ALG1: variants seen among roughly 807,000 people sequenced by gnomAD.
ALG1 encodes the protein ALG1 chitobiosyldiphosphodolichol beta-mannosyltransferase, also known as chitobiosyldiphosphodolichol beta-mannosyltransferase.
ALG1 carries 58 observed loss-of-function variants against 55.1 expected under a neutral mutation model. That is an observed-to-expected ratio of 1.05 (90% CI 0.85 to 1.31). The LOEUF (loss-of-function observed/expected upper bound fraction) is 1.31, where lower values mean the gene tolerates loss of function less well. ALG1 is among the 50% of genes most tolerant of loss of function. ALG1 has a pLI of 0.00. For missense variants in ALG1, 761 were observed against 598.6 expected, an observed-to-expected ratio of 1.27 and a Z score of -2.83; for synonymous variants, 309 against 247.0, an observed-to-expected ratio of 1.25 and a Z score of -2.35.
In ALG1 at chr16:5,080,954, C is replaced by T. The variant is rs1957006198; in HGVS notation, c.970C>T (p.Pro324Ser). The T allele has an allele frequency of 1.9e-6, 3 of 1,596,236 alleles. No individual in the cohort carries two copies. Among genetic ancestry groups the T allele is most frequent in the Admixed American group, 1.7e-5 (1 of 59,984 alleles). Residue 324 changes from proline (P) to serine (S), a missense_variant, in exon 10 of 13, where the codon CCT (proline) becomes TCT (serine). By Grantham distance (74) the Pro-to-Ser change is moderately conservative. Transcript: ENST00000262374. Reference sequence around the variant, plus strand: ...TGCTCTTCTCTGTGAAGGCAAAGGGCCTCTGAGGGAGTATTATAGCCGCCT... The same window carrying T: ...TGCTCTTCTCTGTGAAGGCAAAGGGTCTCTGAGGGAGTATTATAGCCGCCT... Reference protein sequence around the residue: ...SLVCVITGKGPLREYYSRLIH... With the variant: ...SLVCVITGKGSLREYYSRLIH...
intron 6 of ALG1, chr16:5,078,470 G>T (rs1421755899): frequency 3.1e-6 from 2 of 648,396 alleles, no homozygotes; most frequent in African/African-American, 3.6e-5. Context: ...GGTGGTGTGG[G>T]AGGGCGTCCC....
intron 6 of ALG1, chr16:5,078,431 C>T (rs1956954703): frequency 4.5e-5 from 27 of 605,364 alleles, no homozygotes; most frequent in South Asian, 4.2e-4. Context: ...CAGGTCTACG[C>T]ACCCTGAGGT....
chr16:5,072,269 G>A (rs1956829774), intron 1 of ALG1: 4 of 1,461,102 alleles, frequency 2.7e-6, no homozygotes, highest in African/African-American at 1.4e-5. Context: ...AGTGTGTTAA[G>A]TGAATCCATT....
At chr16:5,075,064 T>G (rs1436438855) in intron 3 of ALG1, among the ~76,000 whole-genome samples, 1 of 152,134 alleles carries the variant, frequency 6.6e-6, no homozygotes, top group Non-Finnish European at 1.5e-5. Context: ...CCACCACACC[T>G]GGCTAATTTT....
chr16:5,078,327 C>T (rs1956952600), intron 6 of ALG1: 3 of 612,370 alleles, frequency 4.9e-6, no homozygotes, highest in African/African-American at 1.8e-5. Context: ...CGCTGTCTTA[C>T]TCTCCTGCCA....
rs1956889395 is a variant in ALG1 at position 5,075,283 on chromosome 16, G to A, written c.391-105G>A. 5 of 1,237,542 alleles carry A rather than the reference G, an allele frequency of 4.0e-6. No individual in the cohort carries two copies. The East Asian group carries it at 7.0e-5, about 17-fold the overall frequency. 76.7% of individuals were successfully genotyped at this position (1,237,542 alleles called of 1,614,324 possible). On this transcript the variant is annotated intron_variant, in intron 3 of 12. Transcript: ENST00000262374. ...TCTTCTGCTTATTATCAAGAGCTCT[G>A]TAAAGATAACAGACTCATCACCATG...
rs200989333 is a variant in ALG1, at chr16:5,079,703, T to C, written c.902-45T>C. 192 of 1,603,392 alleles carry C rather than the reference T, an allele frequency of 1.2e-4. No individual in the cohort carries two copies. The African/African-American group carries it at 2.4e-3, about 20-fold the overall frequency. ...GAGTCTGTCAGAAAAAAAAAAAAAT[T>C]CTATCAGAAATTCCATGTAGAATTG... is the stretch of plus-strand genomic sequence containing the variant. On this transcript the variant is annotated intron_variant, in intron 8 of 12. Coordinates refer to ENST00000262374, the MANE Select transcript of ALG1 (RefSeq NM_019109.5).
intron 11 of ALG1, among the ~76,000 whole-genome samples, chr16:5,083,139 A>C (rs954204927): frequency 3.3e-5 from 5 of 152,146 alleles, no homozygotes; most frequent in African/African-American, 1.2e-4. Flanking sequence ...GCCTCACTGC[A>C]CCCAGCGTAG....
intron 4 of ALG1, 93 bp downstream of exon 4, chr16:5,075,629 C>A: frequency 2.7e-6 from 4 of 1,506,978 alleles, no homozygotes; most frequent in Non-Finnish European, 3.6e-6. Flanking sequence ...GAAGTCGGTT[C>A]CTTGTGGGCT....
Position 5,072,783 on chromosome 16 carries a change from C to G in ALG1, c.209-168C>G, listed in dbSNP as rs8045473. On this transcript the variant is annotated intron_variant, in intron 1 of 12. Transcript: ENST00000262374. ...ATCTCTGTGTGCCTCCTAGAGCAAT[C>G]TGAACAAGAATTGGCCGCATTCTCT... is the stretch of plus-strand genomic sequence containing the variant. Among the ~76,000 whole-genome samples the G allele has an allele frequency of 0.37, 56,747 of 152,078 alleles. 11,005 individuals carry two copies. Among genetic ancestry groups the G allele is most frequent in the South Asian group, 0.53 (2,566 of 4,820 alleles).
chr16:5,077,618 G>T (rs944586177), intron 5 of ALG1, 84 bp downstream of exon 5: 2 of 1,388,006 alleles, frequency 1.4e-6, no homozygotes, highest in Admixed American at 3.4e-5. Context: ...GCCTGCTGCC[G>T]TCCTGCTGAG....
intron 9 of ALG1, among the ~76,000 whole-genome samples, chr16:5,080,038 G>C (rs1383762759): frequency 6.6e-6 from 1 of 150,952 alleles, no homozygotes; most frequent in Non-Finnish European, 1.5e-5. Context: ...TAGTTTCCAA[G>C]CATCTTTTTT....
chr16:5,079,019 G>C (rs758989900), intron 7 of ALG1, 45 bp from the exon 8 acceptor site: 2 of 1,604,478 alleles, frequency 1.2e-6, no homozygotes, highest in East Asian at 2.2e-5. Flanking sequence ...GCTGGAAGAG[G>C]GGTGTCTAGA....
intron 3 of ALG1, among the ~76,000 whole-genome samples, chr16:5,074,342 G>A (rs1303710583): frequency 6.6e-6 from 1 of 151,724 alleles, no homozygotes; most frequent in Non-Finnish European, 1.5e-5. Context: ...TAGAGATGGG[G>A]TTTCGCTATG....
chr16:5,082,544 C>T lies in ALG1; in HGVS notation c.1073-15C>T, dbSNP rs550558214. 1.2e-6 allele frequency: 2 copies of T among 1,611,532 alleles called. No individual in the cohort carries two copies. The highest frequency in any genetic ancestry group is 1.1e-5 in the South Asian group (1 of 90,976). ...GCAGAGACCAGTGCTCTGACCCACC[C>T]CTCTTGCCTAGCAGGGTCGGCGGAC... On this transcript the variant is annotated splice_polypyrimidine_tract_variant and intron_variant, in intron 10 of 12. Coordinates refer to ENST00000262374, the MANE Select transcript of ALG1 (RefSeq NM_019109.5).
At chr16:5,072,416 C>A (rs1956832743) in intron 1 of ALG1, 2 of 515,158 alleles carry the variant, frequency 3.9e-6, no homozygotes, top group Non-Finnish European at 6.5e-6. Context: ...ATTCCTCATC[C>A]CTCAACGCAG....
intron 4 of ALG1, 22 bp downstream of exon 4, chr16:5,075,558 A>G: frequency 6.2e-7 from 1 of 1,613,594 alleles, no homozygotes; most frequent in African/African-American, 1.3e-5. Flanking sequence ...GGAAGAGGGT[A>G]AAATACCGTC....
intron 11 of ALG1, 23 bp downstream of exon 11, chr16:5,082,696 T>TC: frequency 1.9e-6 from 3 of 1,609,964 alleles, no homozygotes; most frequent in Non-Finnish European, 2.5e-6. Flanking sequence ...CCCAAATCCT[T>TC]CTGGGGATAG....
intron 1 of ALG1, 83 bp from the exon 2 acceptor site, chr16:5,072,868 C>A: frequency 7.9e-7 from 1 of 1,267,114 alleles, no homozygotes; most frequent in Non-Finnish European, 1.2e-6. Flanking sequence ...AAAACACTGT[C>A]CGTGATTCAG....
Sources: gnomAD v4.1 joint callset for allele counts (sites outside exome capture counted in the v4.1 genomes callset) on GRCh38, gnomAD v4.1.1 for gene constraint, MANE v1.5 for transcripts, NCBI Gene and HGNC (gene_info 2026-07-23, HGNC 2026-07-21) for gene names.